The following CACNA2D3 variants were observed in gnomAD, a reference collection of about 807,000 sequenced individuals.
The protein encoded by CACNA2D3 is calcium voltage-gated channel auxiliary subunit alpha2delta 3, also known as voltage-dependent calcium channel subunit alpha-2/delta-3.
CACNA2D3 carries 60 observed loss-of-function variants against 160.6 expected under a neutral mutation model. The observed-to-expected ratio is 0.37, with a 90% confidence interval of 0.30 to 0.46. The LOEUF is 0.46. Ranked by LOEUF, CACNA2D3 falls within the 20% of genes least tolerant of loss-of-function variation. The pLI is 1.00. For missense variants in CACNA2D3, 1,205 were observed against 1,365.0 expected (o/e 0.88, Z 1.85); for synonymous variants, 558 against 492.9 (o/e 1.13, Z -1.75).
chr3:54,597,955 C>T (rs1702988074), intron 9 of CACNA2D3, among the ~76,000 whole-genome samples: 2 of 151,968 alleles, frequency 1.3e-5, no homozygotes, highest in Admixed American at 1.3e-4. Flanking sequence ...TCACATCACA[C>T]CCCTGTGAGC....
At chr3:55,048,270 G>A (rs1405138657) in intron 35 of CACNA2D3, among the ~76,000 whole-genome samples, 156 of 139,702 alleles carry the variant, frequency 1.1e-3, no homozygotes, top group African/African-American at 4.0e-3. Flanking sequence ...TTTGAAATAC[G>A]TCCCATCAGT....
In CACNA2D3 at chr3:54,879,713, T is replaced by G. The variant is rs141266951; in HGVS notation, c.1844+302T>G. ...CAAGTGCAGAGGGTTACCAGGGTCC[T>G]TAACTATTGAACTTGCTGCTTTGTG... On this transcript the variant is annotated intron_variant, in intron 20 of 37. Transcript: ENST00000474759. 4.1e-3 allele frequency among the ~76,000 whole-genome samples: 631 copies of G among 152,364 alleles called. 3 individuals carry two copies. The highest frequency in any genetic ancestry group is 0.013 in the African/African-American group (542 of 41,596).
intron 4 of CACNA2D3, among the ~76,000 whole-genome samples, chr3:54,413,424 C>CTACA (rs1699703792): frequency 2.7e-5 from 4 of 145,542 alleles, no homozygotes; most frequent in Non-Finnish European, 6.0e-5. Context: ...ATATAGATAT[C>CTACA]TATATATATA....
intron 13 of CACNA2D3, among the ~76,000 whole-genome samples, chr3:54,780,181 C>G (rs1428574588): frequency 2.6e-5 from 4 of 152,166 alleles, no homozygotes; most frequent in African/African-American, 9.7e-5. Context: ...AATATTGTCT[C>G]CAAAATGCAT....
At chr3:54,985,435 A>C (rs948392753) in intron 30 of CACNA2D3, among the ~76,000 whole-genome samples, 4 of 152,222 alleles carry the variant, frequency 2.6e-5, no homozygotes, top group African/African-American at 7.2e-5. Context: ...AAAAAAGGTA[A>C]AATACAAACA....
At chr3:54,923,228 G>A (rs942848891) in intron 27 of CACNA2D3, among the ~76,000 whole-genome samples, 1 of 152,138 alleles carries the variant, frequency 6.6e-6, no homozygotes, top group Non-Finnish European at 1.5e-5. Context: ...GCACACTTCT[G>A]CATGATCTGA....
intron 4 of CACNA2D3, among the ~76,000 whole-genome samples, chr3:54,467,327 A>C (rs1700646938): frequency 1.3e-5 from 2 of 152,220 alleles, no homozygotes; most frequent in Admixed American, 1.3e-4. Flanking sequence ...AACTGGGAAG[A>C]GTCTTGGAAA....
chr3:54,933,035 C>G (rs1701231582), intron 27 of CACNA2D3, among the ~76,000 whole-genome samples: 1 of 135,954 alleles, frequency 7.4e-6, no homozygotes, highest in African/African-American at 3.6e-5. Context: ...ATATTGTCTT[C>G]CATCCATCCA....
chr3:54,883,432 A>G (rs1424279380), intron 21 of CACNA2D3, among the ~76,000 whole-genome samples: 11 of 152,192 alleles, frequency 7.2e-5, no homozygotes, highest in Non-Finnish European at 1.3e-4. Flanking sequence ...TATCAGAAGG[A>G]CCAATGTCAG....
intron 3 of CACNA2D3, among the ~76,000 whole-genome samples, chr3:54,358,171 G>A (rs1698681580): frequency 6.6e-6 from 1 of 152,026 alleles, no homozygotes; most frequent in Non-Finnish European, 1.5e-5. Flanking sequence ...TGATATATGG[G>A]GAGTTCTATT....
chr3:54,320,535 C>A lies in CACNA2D3; in HGVS notation c.298C>A (p.His100Asn), dbSNP rs763841290. 4 of 1,562,552 alleles carry A rather than the reference C, an allele frequency of 2.6e-6. No individual in the cohort carries two copies. Among genetic ancestry groups the A allele is most frequent in the Non-Finnish European group, 3.5e-6 (4 of 1,153,036 alleles). Residue 100 changes from histidine to asparagine, a missense_variant, in exon 3 of 38, where the codon CAC (histidine) becomes AAC (asparagine). His to Asn is a moderately conservative substitution (Grantham distance 68). Coordinates refer to ENST00000474759, the MANE Select transcript of CACNA2D3 (RefSeq NM_018398.3). ...KLAKNMEEMF[H>N]KKSEAVRRLV... ...GGCAAAGAACATGGAAGAGATGTTTCACAAGAAGTCTGAGGCCGTCAGGGT... is the reference window on the plus strand; with the variant it reads ...GGCAAAGAACATGGAAGAGATGTTTAACAAGAAGTCTGAGGCCGTCAGGGT...
At chr3:54,742,118 C>T (rs975594247) in intron 11 of CACNA2D3, among the ~76,000 whole-genome samples, 3 of 152,114 alleles carry the variant, frequency 2.0e-5, no homozygotes, top group Admixed American at 6.5e-5. Context: ...CTGTCTGCCT[C>T]GACTTCAAAT....
At chr3:54,679,320 G>T (rs1700301261) in intron 11 of CACNA2D3, among the ~76,000 whole-genome samples, 1 of 152,158 alleles carries the variant, frequency 6.6e-6, no homozygotes, top group African/African-American at 2.4e-5. Context: ...TATTCAAAGA[G>T]GCTCTGTCTC....
Position 55,073,793 on chromosome 3 carries a change from G to T in CACNA2D3, c.3117G>T (p.Lys1039Asn). The T allele has an allele frequency of 6.2e-7, 1 of 1,613,502 alleles. No individual in the cohort carries two copies. Among genetic ancestry groups the T allele is most frequent in the Non-Finnish European group, 8.5e-7 (1 of 1,179,552 alleles). The change falls in exon 37 of 38, where the codon AAG becomes AAT. Residue 1039 changes from lysine to asparagine, a missense_variant. Lys to Asn is a moderately conservative substitution (Grantham distance 94, BLOSUM62 0). Coordinates refer to ENST00000474759, the MANE Select transcript of CACNA2D3 (RefSeq NM_018398.3). ...ACAGTCAACATAATGAATCCCTTAA[G>T]TGTGAACGTCTAAAGGCCCAGAAGA... ...PIEIRYNESL[K>N]CERLKAQKIR...
At chr3:54,915,307 C>T (rs1421628232) in intron 27 of CACNA2D3, among the ~76,000 whole-genome samples, 1 of 152,120 alleles carries the variant, frequency 6.6e-6, no homozygotes, top group Non-Finnish European at 1.5e-5. Flanking sequence ...TCACTACAGA[C>T]AGCTACAATA....
intron 11 of CACNA2D3, among the ~76,000 whole-genome samples, chr3:54,670,632 TTTA>T (rs1291265346): frequency 6.6e-6 from 1 of 152,200 alleles, no homozygotes; most frequent in Non-Finnish European, 1.5e-5. Flanking sequence ...TTTATGAGCC[TTTA>T]TCACTGCGAT....
chr3:54,198,217 C>T (rs1325016932), intron 2 of CACNA2D3, among the ~76,000 whole-genome samples: 1 of 152,248 alleles, frequency 6.6e-6, no homozygotes, highest in African/African-American at 2.4e-5. Flanking sequence ...CCCCCATCCT[C>T]TAATAGGCTC....
chr3:54,724,268 C>G (rs1277957412), intron 11 of CACNA2D3, among the ~76,000 whole-genome samples: 1 of 152,118 alleles, frequency 6.6e-6, no homozygotes, highest in Non-Finnish European at 1.5e-5. Context: ...ATTCATAAAG[C>G]AAGTTCTTAG....
intron 2 of CACNA2D3, among the ~76,000 whole-genome samples, chr3:54,308,687 A>C (rs62254159): frequency 0.13 from 19,174 of 152,216 alleles, 1,307 homozygotes; most frequent in East Asian, 0.23. Context: ...ACTTTGGATA[A>C]GTTGCTTGAT....
Sources: gnomAD v4.1 joint callset for allele counts (sites outside exome capture counted in the v4.1 genomes callset) on GRCh38, gnomAD v4.1.1 for gene constraint, MANE v1.5 for transcripts, NCBI Gene and HGNC (gene_info 2026-07-23, HGNC 2026-07-21) for gene names.